Variants in FOXP1 observed in about 807,000 individuals in gnomAD.
FOXP1 encodes the protein forkhead box P1, also known as forkhead box protein P1.
A neutral mutation model predicts 98.2 loss-of-function variants in FOXP1; 15 were observed. The ratio of observed to expected loss-of-function variants is 0.15; its 90% CI spans 0.10 to 0.24. The LOEUF (loss-of-function observed/expected upper bound fraction) is 0.24, where lower values mean the gene tolerates loss of function less well. FOXP1 is among the 10% of genes least tolerant of loss of function. FOXP1 has a pLI of 1.00. For missense variants in FOXP1, 633 were observed against 848.5 expected, an observed-to-expected ratio of 0.75 and a Z score of 3.15; for synonymous variants, 371 against 314.5, an observed-to-expected ratio of 1.18 and a Z score of -1.90.
chr3:71,069,389 CAGAAA>C (rs1427967739), intron 7 of FOXP1, among the ~76,000 whole-genome samples: 1 of 152,122 alleles, frequency 6.6e-6, no homozygotes, highest in Non-Finnish European at 1.5e-5. Context: ...AAAATCATGA[CAGAAA>C]AGAAAAATGA....
At chr3:71,115,311 TTATTATTTTA>T (rs1038290683) in intron 6 of FOXP1, among the ~76,000 whole-genome samples, 10 of 125,762 alleles carry the variant, frequency 8.0e-5, no homozygotes, top group African/African-American at 2.5e-4. Flanking sequence ...ATTATTATTA[TTATTATTTTA>T]TTTATTTATT....
intron 6 of FOXP1, among the ~76,000 whole-genome samples, chr3:71,193,565 C>T (rs1281507973): frequency 6.6e-6 from 1 of 151,958 alleles, no homozygotes; most frequent in African/African-American, 2.4e-5. Flanking sequence ...TCTCCTGCCT[C>T]AGCCTCCTGA....
At chr3:71,270,840 A>T (rs1460506072) in intron 5 of FOXP1, among the ~76,000 whole-genome samples, 1 of 152,132 alleles carries the variant, frequency 6.6e-6, no homozygotes, top group Non-Finnish European at 1.5e-5. Flanking sequence ...TTCTAAAGTG[A>T]CAAGGGGGGA....
chr3:71,120,650 C>G (rs2058693433), intron 6 of FOXP1, among the ~76,000 whole-genome samples: 1 of 152,166 alleles, frequency 6.6e-6, no homozygotes, highest in South Asian at 2.1e-4. Context: ...GTCCTAACTG[C>G]AGAGGAGTTA....
intron 17 of FOXP1, among the ~76,000 whole-genome samples, chr3:70,975,119 C>CTTTT (rs575349375): frequency 1.3e-5 from 2 of 152,302 alleles, no homozygotes; most frequent in South Asian, 4.1e-4. Flanking sequence ...ATTAATGACA[C>CTTTT]TTTTTCCTGC....
At chr3:71,418,217 A>G (rs2083370494) in intron 3 of FOXP1, among the ~76,000 whole-genome samples, 1 of 152,014 alleles carries the variant, frequency 6.6e-6, no homozygotes, top group Admixed American at 6.6e-5. Context: ...TGTAGACAGA[A>G]TCACACTTCG....
intron 5 of FOXP1, among the ~76,000 whole-genome samples, chr3:71,280,126 C>CAAAAAAAA (rs56674677): frequency 5.6e-5 from 6 of 106,206 alleles, no homozygotes; most frequent in African/African-American, 1.8e-4. Context: ...CTGTCTCAAA[C>CAAAAAAAA]AAAAAAAAAA....
At chr3:70,966,321 T>C (rs2034765670) in intron 19 of FOXP1, 1 of 496,194 alleles carries the variant, frequency 2.0e-6, no homozygotes, top group South Asian at 2.0e-5. Context: ...TGCTTGGTAG[T>C]CACATGGTTT....
chr3:71,232,877 C>CAAAAAAAAAAAAAAAAAAAAAAAAA lies in FOXP1; in HGVS notation c.-11-34486_-11-34485insTTTTTTTTTTTTTTTTTTTTTTTTT, dbSNP rs59404230. Among the ~76,000 whole-genome samples, 27 of 31,400 alleles carry CAAAAAAAAAAAAAAAAAAAAAAAAA rather than the reference C, an allele frequency of 8.6e-4. 2 individuals are homozygous for CAAAAAAAAAAAAAAAAAAAAAAAAA. The highest frequency in any genetic ancestry group is 1.1e-3 in the Non-Finnish European group (19 of 16,956). 20.6% of individuals were successfully genotyped at this position (31,400 alleles called of 152,430 possible). ...CGTGCCACAGAGCAAAACTCTGTCT[C>CAAAAAAAAAAAAAAAAAAAAAAAAA]AAAAAAAAAAAAAAAAAAAGCAAGA... On this transcript the variant is annotated intron_variant, in intron 5 of 20. Transcript: ENST00000649528.
At chr3:71,133,518 T>C (rs2059671514) in intron 6 of FOXP1, among the ~76,000 whole-genome samples, 1 of 152,212 alleles carries the variant, frequency 6.6e-6, no homozygotes, top group Non-Finnish European at 1.5e-5. Context: ...TGCTTGAAGA[T>C]GTGCAGGCAG....
intron 7 of FOXP1, among the ~76,000 whole-genome samples, chr3:71,091,937 C>T (rs1338746299): frequency 6.6e-6 from 1 of 152,154 alleles, no homozygotes; most frequent in Non-Finnish European, 1.5e-5. Flanking sequence ...CCTGTAATTC[C>T]AGCACTTTGG....
intron 5 of FOXP1, among the ~76,000 whole-genome samples, chr3:71,204,583 C>T (rs572892837): frequency 9.2e-5 from 14 of 152,250 alleles, no homozygotes; most frequent in African/African-American, 2.9e-4. Flanking sequence ...ACTGCTCACC[C>T]GTCACCTGGC....
rs1478752372 is a variant in FOXP1 at position 70,958,646 on chromosome 3, A to C, written c.*601T>G. ...ATAGTAGAAGGAAAAAAAAAAAAAA[A>C]AAAAGCAATACATTAAAAAGTTTGG... On this transcript the variant is annotated 3_prime_UTR_variant, in exon 21 of 21. Transcript: ENST00000649528. 1.8e-5 allele frequency: 4 copies of C among 222,400 alleles called. No homozygotes were observed. Among genetic ancestry groups the C allele is most frequent in the African/African-American group, 6.8e-5 (3 of 44,214 alleles). The allele number at this position is 222,400 out of a possible 1,614,324, so 13.8% of individuals were successfully genotyped here.
intron 7 of FOXP1, among the ~76,000 whole-genome samples, chr3:71,066,274 TC>T (rs2052495282): frequency 6.6e-6 from 1 of 152,162 alleles, no homozygotes; most frequent in South Asian, 2.1e-4. Context: ...AGCAGACAAT[TC>T]CCTCTTTACT....
intron 4 of FOXP1, among the ~76,000 whole-genome samples, chr3:71,344,745 C>T (rs530140175): frequency 2.0e-5 from 3 of 151,526 alleles, no homozygotes; most frequent in Non-Finnish European, 2.9e-5. Flanking sequence ...GGCTGAGGCA[C>T]GAGAATGGCT....
intron 2 of FOXP1, among the ~76,000 whole-genome samples, chr3:71,523,780 G>A (rs2043165247): frequency 6.6e-6 from 1 of 152,048 alleles, no homozygotes; most frequent in African/African-American, 2.4e-5. Flanking sequence ...GACTCACAGG[G>A]CCCTAAAATG....
intron 3 of FOXP1, among the ~76,000 whole-genome samples, chr3:71,406,032 G>T (rs1438602072): frequency 2.0e-5 from 3 of 152,156 alleles, no homozygotes; most frequent in African/African-American, 7.2e-5. Context: ...GCCCAGCCAG[G>T]CAGCAGTACT....
intron 5 of FOXP1, among the ~76,000 whole-genome samples, chr3:71,220,798 G>A (rs1369990349): frequency 8.3e-6 from 1 of 119,968 alleles, no homozygotes; most frequent in African/African-American, 3.4e-5. Context: ...AAAAGATTAT[G>A]AGGAGAAAAG....
rs535018104 is a variant in FOXP1, at chr3:71,444,404, C to T, written c.-168+49022G>A. 7.3e-5 allele frequency among the ~76,000 whole-genome samples: 11 copies of T among 151,296 alleles called. 2 individuals carry two copies. Among genetic ancestry groups the T allele is most frequent in the African/African-American group, 1.9e-4 (8 of 41,188 alleles). On this transcript the variant is annotated intron_variant, in intron 3 of 20. Transcript: ENST00000649528. ...TTTTTTTTGGAGAAATGATCAAACC[C>T]GGGGGTGGGGACAGAACTTCCTGCA...
Sources: allele counts gnomAD v4.1 joint callset (sites outside exome capture counted in the v4.1 genomes callset), GRCh38; gene constraint gnomAD v4.1.1; transcripts MANE v1.5; gene names NCBI Gene and HGNC (gene_info 2026-07-23, HGNC 2026-07-21).